Variants in PPP6R2 observed in about 807,000 individuals in gnomAD.
PPP6R2 encodes the protein serine/threonine-protein phosphatase 6 regulatory subunit 2.
PPP6R2 carries 62 observed loss-of-function variants against 100.2 expected under a neutral mutation model. That is an observed-to-expected ratio of 0.62 (90% CI 0.50 to 0.76). The LOEUF (loss-of-function observed/expected upper bound fraction) is 0.76, where lower values mean the gene tolerates loss of function less well. Among genes scored for constraint, PPP6R2 ranks in the 30% least tolerant of loss-of-function variants. The pLI, the probability that PPP6R2 is intolerant of heterozygous loss-of-function variation, is 0.00. For synonymous variants in PPP6R2, 525 were observed against 514.7 expected (o/e 1.02, Z -0.27); for missense variants, 1,142 against 1,276.3 (o/e 0.89, Z 1.60).
the PPP6R2 span, among the ~76,000 whole-genome samples, chr22:50,335,115 A>G: frequency 0.47 from 71,170 of 150,396 alleles, 18,768 homozygotes; most frequent in African/African-American, 0.72. Context: ...GCAGTGGCGC[A>G]ATCTCGGCTC....
intron 1 of PPP6R2, among the ~76,000 whole-genome samples, chr22:50,355,991 C>G (rs569047786): frequency 6.9e-6 from 1 of 144,274 alleles, no homozygotes; most frequent in East Asian, 2.0e-4. Context: ...GAGACGGAGT[C>G]TCGCTCTGTC....
chr22:50,417,345 C>T (rs1257661292), intron 6 of PPP6R2, among the ~76,000 whole-genome samples: 2 of 152,140 alleles, frequency 1.3e-5, no homozygotes, highest in Non-Finnish European at 2.9e-5. Context: ...GGGTCCAGCC[C>T]ACACTAAAAG....
At chr22:50,442,752 C>T (rs933690187) in intron 22 of PPP6R2, among the ~76,000 whole-genome samples, 1 of 151,790 alleles carries the variant, frequency 6.6e-6, no homozygotes, top group Non-Finnish European at 1.5e-5. Flanking sequence ...CGGGGTTTCA[C>T]TGTGTTAGCC....
intron 3 of PPP6R2, among the ~76,000 whole-genome samples, chr22:50,401,729 G>A (rs1486158019): frequency 4.0e-5 from 6 of 150,476 alleles, no homozygotes; most frequent in Admixed American, 1.3e-4. Context: ...TGTAAGCTTC[G>A]CCTCCTGGGT....
chr22:50,351,922 C>A (rs1213378545), intron 1 of PPP6R2, among the ~76,000 whole-genome samples: 1 of 152,138 alleles, frequency 6.6e-6, no homozygotes, highest in Non-Finnish European at 1.5e-5. Context: ...GCCTCCCCAG[C>A]AGCTGGGACT....
At chr22:50,366,957 C>T (rs982172576) in intron 1 of PPP6R2, among the ~76,000 whole-genome samples, 1 of 151,680 alleles carries the variant, frequency 6.6e-6, no homozygotes, top group Non-Finnish European at 1.5e-5. Flanking sequence ...TGTCTAGTGT[C>T]TTGAAAACCA....
At chr22:50,332,707 T>C in the PPP6R2 span, among the ~76,000 whole-genome samples, 2 of 149,578 alleles carry the variant, frequency 1.3e-5, no homozygotes, top group South Asian at 4.3e-4. Flanking sequence ...CACTGCAGCC[T>C]CCACCTCTTG....
chr22:50,439,620 CG>C (rs1569496032), intron 19 of PPP6R2, 80 bp from the exon 20 acceptor site: 3 of 1,425,280 alleles, frequency 2.1e-6, no homozygotes, highest in Non-Finnish European at 2.8e-6. Flanking sequence ...GAGGGGCTCC[CG>C]GGGCAGGGGC....
rs772986685 is a variant in PPP6R2, at chr22:50,439,837, T to G, written c.2265T>G (p.Thr755=). The G allele has an allele frequency of 1.5e-5, 24 of 1,613,416 alleles. No individual in the cohort carries two copies. The highest frequency in any genetic ancestry group is 5.9e-6 in the Non-Finnish European group (7 of 1,179,776). Residue 755 remains threonine, a synonymous_variant, in exon 20 of 24, where the codon ACT becomes ACG. Coordinates refer to ENST00000612753, the MANE Select transcript of PPP6R2 (RefSeq NM_001242898.2). ...APEEKGWAKF[T]DFQPFCCSES... is the part of the protein sequence containing the mutation. ...AGGAGAAAGGCTGGGCCAAGTTCACTGACTTCCAACCTTTCTGCTGGTAAC... is the reference window on the plus strand; with the variant it reads ...AGGAGAAAGGCTGGGCCAAGTTCACGGACTTCCAACCTTTCTGCTGGTAAC...
In PPP6R2 at chr22:50,438,276, G is replaced by A; in HGVS notation, c.1942G>A (p.Ala648Thr). ...GGAGGACAGTGACACTCGCTGTGCTGCCCGGGTGATGGCCAGACCCAGGTG... is the reference window on the plus strand; with the variant it reads ...GGAGGACAGTGACACTCGCTGTGCTACCCGGGTGATGGCCAGACCCAGGTG... The part of the protein sequence containing the change: ...IWEDSDTRCA[A>T]RVMARPRFGA... Residue 648 changes from alanine to threonine, a missense_variant, in exon 18 of 24, where the codon GCC becomes ACC. Physicochemically the swap from Ala to Thr is moderately conservative, Grantham distance 58. Coordinates refer to ENST00000612753, the MANE Select transcript of PPP6R2 (RefSeq NM_001242898.2). 6.2e-7 allele frequency: 1 copy of A among 1,613,302 alleles called. No individual in the cohort carries two copies. The highest frequency in any genetic ancestry group is 8.5e-7 in the Non-Finnish European group (1 of 1,179,738).
chr22:50,444,278 G>A lies in PPP6R2; in HGVS notation c.*31G>A. ...CTGCCGCCCGGCCACGGCCCACCCT[G>A]GTCAGGCTGCCTCCTTAATCGAGAA... is the stretch of plus-strand genomic sequence containing the variant. On this transcript the variant is annotated 3_prime_UTR_variant, in exon 24 of 24. Coordinates refer to ENST00000612753, the MANE Select transcript of PPP6R2 (RefSeq NM_001242898.2). 1.2e-6 allele frequency: 2 copies of A among 1,607,394 alleles called. No homozygotes were observed. The highest frequency in any genetic ancestry group is 1.7e-6 in the Non-Finnish European group (2 of 1,177,948).
rs560117158 is a variant in PPP6R2 at position 50,396,028 on chromosome 22, C to G, written c.227+1893C>G. ...TGGCCAACATGGTGAAACCCCGTCT[C>G]TAATAAAAATACAAAAATTAGCAGG... On this transcript the variant is annotated intron_variant, in intron 3 of 23. Transcript: ENST00000612753. Among the ~76,000 whole-genome samples, 171 of 150,368 alleles carry G rather than the reference C, an allele frequency of 1.1e-3. 1 individual carries two copies. The highest frequency in any genetic ancestry group is 3.9e-3 in the African/African-American group (160 of 40,980).
At chr22:50,357,462 C>T (rs897269494) in intron 1 of PPP6R2, among the ~76,000 whole-genome samples, 3 of 150,408 alleles carry the variant, frequency 2.0e-5, no homozygotes, top group African/African-American at 7.4e-5. Context: ...CCCTACCTCC[C>T]TTCCTTCCTT....
Position 50,431,277 on chromosome 22 carries a change from C to T in PPP6R2, c.1230C>T (p.Ala410=). Residue 410 remains alanine, a synonymous_variant, in exon 11 of 24, where the codon GCC becomes GCT. Transcript: ENST00000612753. This position sits in a 1 kb window ranked among gnomAD's most constrained non-coding sequence, Gnocchi z 4.8. ...CTGCCCGTGAGGAGAGGACAGAAGCCAGCGGATCCGAGAGCAGGGTGGAGC... is the reference window on the plus strand; with the variant it reads ...CTGCCCGTGAGGAGAGGACAGAAGCTAGCGGATCCGAGAGCAGGGTGGAGC... ...SHAAREERTE[A]SGSESRVEPP... The T allele has an allele frequency of 1.9e-6, 3 of 1,613,660 alleles. No homozygotes were observed. Among genetic ancestry groups the T allele is most frequent in the Non-Finnish European group, 2.5e-6 (3 of 1,180,034 alleles).
At chr22:50,400,182 G>C (rs1001923587) in intron 3 of PPP6R2, among the ~76,000 whole-genome samples, 12 of 152,206 alleles carry the variant, frequency 7.9e-5, no homozygotes, top group Admixed American at 1.3e-4. Context: ...AGAACTGAAA[G>C]AAAGACAGCG....
intron 2 of PPP6R2, among the ~76,000 whole-genome samples, chr22:50,381,522 G>A (rs1410520217): frequency 6.6e-6 from 1 of 152,102 alleles, no homozygotes; most frequent in Non-Finnish European, 1.5e-5. Context: ...TTAACATCAG[G>A]CTTGGTGGGG....
intron 12 of PPP6R2, among the ~76,000 whole-genome samples, chr22:50,434,060 G>A: frequency 3.1e-5 from 2 of 64,834 alleles, no homozygotes; most frequent in Non-Finnish European, 3.1e-5. Flanking sequence ...GGCAGGGGCC[G>A]GGCATTTGCC....
chr22:50,395,683 C>T (rs903929307), intron 3 of PPP6R2, among the ~76,000 whole-genome samples: 2 of 152,154 alleles, frequency 1.3e-5, no homozygotes, highest in African/African-American at 4.8e-5. Context: ...GCCTTAGCCT[C>T]CCTAGTAGCT....
intron 9 of PPP6R2, among the ~76,000 whole-genome samples, chr22:50,422,755 T>C (rs1603349104): frequency 6.6e-6 from 1 of 152,118 alleles, no homozygotes; most frequent in East Asian, 1.9e-4. Context: ...ACACAAAGGC[T>C]CCTCCTGGTT....
Sources: gnomAD v4.1 joint callset for allele counts (sites outside exome capture counted in the v4.1 genomes callset) on GRCh38, gnomAD v4.1.1 for gene constraint, Gnocchi (gnomAD v3.1) non-coding constraint, MANE v1.5 for transcripts, NCBI Gene and HGNC (gene_info 2026-07-23, HGNC 2026-07-21) for gene names.